Variants in CPNE4 observed in about 807,000 individuals in gnomAD.
CPNE4 encodes copine-4.
CPNE4 carries 25 observed loss-of-function variants against 67.9 expected under a neutral mutation model. The ratio of observed to expected loss-of-function variants is 0.37; its 90% CI spans 0.27 to 0.51. The LOEUF (loss-of-function observed/expected upper bound fraction) is 0.51, where lower values mean the gene tolerates loss of function less well. CPNE4 is among the 20% of genes least tolerant of loss of function. The pLI is 0.93. For missense variants in CPNE4, 464 were observed against 690.8 expected, an observed-to-expected ratio of 0.67 and a Z score of 3.68; for synonymous variants, 242 against 244.9, an observed-to-expected ratio of 0.99 and a Z score of 0.11.
rs534281617 is a variant in CPNE4 at position 131,992,413 on chromosome 3, T to C, written c.-2+42154A>G. On this transcript the variant is annotated intron_variant, in intron 1 of 15. Coordinates refer to ENST00000429747, the MANE Select transcript of CPNE4 (RefSeq NM_130808.3). ...TGCCCTATTGGATTTTGGACTTGAA[T>C]GGGGCCGGTAGCCCCTTTGTTTTGG... 2.1e-4 allele frequency among the ~76,000 whole-genome samples: 29 copies of C among 136,934 alleles called. 8 individuals are homozygous for C. Among genetic ancestry groups the C allele is most frequent in the Non-Finnish European group, 4.3e-4 (26 of 60,124 alleles). 89.8% of individuals were successfully genotyped at this position (136,934 alleles called of 152,430 possible). A position where few individuals can be genotyped will look rare whatever the true frequency, so the allele number is the denominator to read the frequency against.
At chr3:132,002,284 G>T (rs2073474666) in intron 1 of CPNE4, among the ~76,000 whole-genome samples, 1 of 152,094 alleles carries the variant, frequency 6.6e-6, no homozygotes, top group South Asian at 2.1e-4. Flanking sequence ...CCATGTCTTG[G>T]CAGAAAGCCT....
intron 7 of CPNE4, among the ~76,000 whole-genome samples, chr3:131,595,546 C>T (rs1348889205): frequency 2.0e-5 from 3 of 152,178 alleles, no homozygotes; most frequent in African/African-American, 4.8e-5. Context: ...CCATCTGCTT[C>T]TGGTGAGGGC....
chr3:131,895,864 TC>T (rs1406152103), intron 2 of CPNE4, among the ~76,000 whole-genome samples: 1 of 152,052 alleles, frequency 6.6e-6, no homozygotes, highest in Non-Finnish European at 1.5e-5. Flanking sequence ...ACTGTTTGTG[TC>T]CCAAGGTTCA....
At chr3:132,021,192 G>T (rs2073987856) in intron 1 of CPNE4, among the ~76,000 whole-genome samples, 1 of 152,182 alleles carries the variant, frequency 6.6e-6, no homozygotes, top group South Asian at 2.1e-4. Flanking sequence ...ATGCAAGAAG[G>T]ATCCTTAGAG....
chr3:131,538,586 A>AGAT (rs1935302928), intron 15 of CPNE4, among the ~76,000 whole-genome samples: 1 of 152,232 alleles, frequency 6.6e-6, no homozygotes, highest in African/African-American at 2.4e-5. Context: ...CTCATTTTAT[A>AGAT]GATGAAAGTC....
chr3:131,666,474 G>T (rs4854771), intron 7 of CPNE4, among the ~76,000 whole-genome samples: 43,516 of 151,826 alleles, frequency 0.29, 6,521 homozygotes, highest in Middle Eastern at 0.34. Context: ...TTTAGGTCAA[G>T]AATTCATTCC....
intron 8 of CPNE4, among the ~76,000 whole-genome samples, chr3:131,582,482 A>C (rs1937902181): frequency 1.3e-5 from 2 of 152,168 alleles, no homozygotes; most frequent in African/African-American, 2.4e-5. Context: ...CAAGAGACAA[A>C]ATTTCACTAC....
At chr3:131,616,250 A>G (rs1274624769) in intron 7 of CPNE4, among the ~76,000 whole-genome samples, 3 of 150,310 alleles carry the variant, frequency 2.0e-5, no homozygotes, top group African/African-American at 7.6e-5. Context: ...AGTGAAAACA[A>G]TGTGATAGCT....
Position 131,637,183 on chromosome 3 carries a change from C to T in CPNE4, c.681+32492G>A, listed in dbSNP as rs114309855. 1.7e-3 allele frequency among the ~76,000 whole-genome samples: 252 copies of T among 152,242 alleles called. 2 individuals carry two copies. Among genetic ancestry groups the T allele is most frequent in the African/African-American group, 5.0e-3 (206 of 41,548 alleles). On this transcript the variant is annotated intron_variant, in intron 7 of 15. Transcript: ENST00000429747. ...TAGTTTAGCAGCAACAGATCCAAAC[C>T]AAGGCAAAATCTCTGAATTGCCAGA...
intron 1 of CPNE4, among the ~76,000 whole-genome samples, chr3:131,922,012 GT>G (rs1327591533): frequency 6.6e-6 from 1 of 152,146 alleles, no homozygotes. Flanking sequence ...GGTTCGGAGT[GT>G]GATGGATCTC....
rs2083790713 is a variant in CPNE4 at position 131,792,702 on chromosome 3, C to CACACGTGTATATATATAAATATAT, written c.181-69078_181-69077insATATATTTATATATATACACGTGT. ...ATACACACGTGTATATATACATATACACACACGTGTATATATGTATATATA... is the reference window on the plus strand; with the variant it reads ...ATACACACGTGTATATATACATATACACACGTGTATATATATAAATATATACACACGTGTATATATGTATATATA... On this transcript the variant is annotated intron_variant, in intron 2 of 15. Coordinates refer to ENST00000429747, the MANE Select transcript of CPNE4 (RefSeq NM_130808.3). 5.8e-5 allele frequency among the ~76,000 whole-genome samples: 2 copies of CACACGTGTATATATATAAATATAT among 34,590 alleles called. 1 individual carries two copies. The allele number at this position is 34,590 out of a possible 152,430, so 22.7% of individuals were successfully genotyped here. A position where few individuals can be genotyped will look rare whatever the true frequency, so the allele number is the denominator to read the frequency against.
At chr3:131,900,724 T>C (rs993405272) in intron 2 of CPNE4, among the ~76,000 whole-genome samples, 1 of 152,116 alleles carries the variant, frequency 6.6e-6, no homozygotes, top group Non-Finnish European at 1.5e-5. Flanking sequence ...TGGATGGATA[T>C]TGTGAATATA....
chr3:131,967,224 A>T (rs1182354408), intron 1 of CPNE4, among the ~76,000 whole-genome samples: 1 of 152,128 alleles, frequency 6.6e-6, no homozygotes, highest in African/African-American at 2.4e-5. Context: ...GAACATATCT[A>T]AAAATAATAA....
intron 1 of CPNE4, among the ~76,000 whole-genome samples, chr3:131,929,024 A>G (rs1186065539): frequency 6.6e-6 from 1 of 152,104 alleles, no homozygotes; most frequent in Non-Finnish European, 1.5e-5. Flanking sequence ...AGCCACTCTG[A>G]TTTCTAGATC....
intron 2 of CPNE4, among the ~76,000 whole-genome samples, chr3:131,848,191 C>A (rs575911970): frequency 1.3e-5 from 2 of 152,310 alleles, no homozygotes; most frequent in South Asian, 4.1e-4. Context: ...GCTACACATT[C>A]ACTTTCTGCT....
intron 2 of CPNE4, among the ~76,000 whole-genome samples, chr3:131,819,766 G>C (rs745693644): frequency 2.0e-4 from 31 of 152,094 alleles, no homozygotes; most frequent in Admixed American, 2.6e-4. Context: ...AAAACAATAG[G>C]CATTAACACA....
chr3:131,734,221 A>T (rs537840409), intron 2 of CPNE4, among the ~76,000 whole-genome samples: 5 of 152,130 alleles, frequency 3.3e-5, no homozygotes, highest in Non-Finnish European at 7.4e-5. Flanking sequence ...TCTCTTTCCC[A>T]TGGCACTTTG....
chr3:131,792,660 C>CGTGTGTATATATGTATATATACACACGT (rs199999625), intron 2 of CPNE4, among the ~76,000 whole-genome samples: 6 of 53,430 alleles, frequency 1.1e-4, no homozygotes, highest in African/African-American at 4.8e-4. Flanking sequence ...TATATACACA[C>CGTGTGTATATATGTATATATACACACGT]GTGTATATAT....
At chr3:131,660,434 G>C (rs1054840526) in intron 7 of CPNE4, among the ~76,000 whole-genome samples, 2 of 152,278 alleles carry the variant, frequency 1.3e-5, no homozygotes, top group African/African-American at 4.8e-5. Context: ...AAGAAAAGGG[G>C]ATGGGATACC....
Sources: gnomAD v4.1 joint callset for allele counts (sites outside exome capture counted in the v4.1 genomes callset) on GRCh38, gnomAD v4.1.1 for gene constraint, MANE v1.5 for transcripts, NCBI Gene and HGNC (gene_info 2026-07-23, HGNC 2026-07-21) for gene names.